BRAF: variants seen among roughly 807,000 people sequenced by gnomAD.
BRAF encodes B-Raf proto-oncogene, serine/threonine kinase.
BRAF carries 16 observed loss-of-function variants against 104.6 expected under a neutral mutation model. That is an observed-to-expected ratio of 0.15 (90% CI 0.10 to 0.23). BRAF has a LOEUF of 0.23. Among genes scored for constraint, BRAF ranks in the 10% least tolerant of loss-of-function variants. BRAF has a pLI of 1.00. For synonymous variants in BRAF, 310 were observed against 341.6 expected, an observed-to-expected ratio of 0.91 and a Z score of 1.02; for missense variants, 541 against 937.3, an observed-to-expected ratio of 0.58 and a Z score of 5.52.
rs1183263610 is a variant in BRAF at position 140,777,108 on chromosome 7, A to G, written c.1638-20T>C. On this transcript the variant is annotated intron_variant, in intron 13 of 19. Coordinates refer to ENST00000644969, the MANE Select transcript of BRAF (RefSeq NM_001374258.1). The stretch of plus-strand genomic sequence containing the variant: ...GTTTTCCTGTACAAAGAAATGTGAC[A>G]GTAAACATTAAATGTCGACAAACTT... The G allele has an allele frequency of 1.2e-6, 2 of 1,611,488 alleles. No homozygotes were observed. Among genetic ancestry groups the G allele is most frequent in the Non-Finnish European group, 1.7e-6 (2 of 1,177,620 alleles).
At chr7:140,786,704 C>T (rs957106127) in intron 9 of BRAF, among the ~76,000 whole-genome samples, 2 of 152,108 alleles carry the variant, frequency 1.3e-5, no homozygotes, top group Non-Finnish European at 2.9e-5. Context: ...ACATTTAAAA[C>T]ACTTCCAGAA....
At chr7:140,824,976 T>C (rs2129056435) in intron 3 of BRAF, among the ~76,000 whole-genome samples, 1 of 135,972 alleles carries the variant, frequency 7.4e-6, no homozygotes, top group Non-Finnish European at 1.6e-5. Context: ...GTTTTTTCTT[T>C]TTTTTTTTTT....
At chr7:140,908,083 G>T (rs1214630226) in intron 1 of BRAF, among the ~76,000 whole-genome samples, 1 of 152,122 alleles carries the variant, frequency 6.6e-6, no homozygotes, top group African/African-American at 2.4e-5. Flanking sequence ...CTTCAAGTTT[G>T]TCTCCAATTC....
At chr7:140,751,419 G>T (rs913796046) in intron 16 of BRAF, among the ~76,000 whole-genome samples, 1 of 152,156 alleles carries the variant, frequency 6.6e-6, no homozygotes, top group African/African-American at 2.4e-5. Context: ...TTTTCACAAG[G>T]TGTGTATGCC....
chr7:140,900,167 A>G (rs543598113), intron 1 of BRAF, among the ~76,000 whole-genome samples: 1 of 152,354 alleles, frequency 6.6e-6, no homozygotes, highest in Non-Finnish European at 1.5e-5. Context: ...ACAACAATAG[A>G]TAACTAATAG....
At chr7:140,815,431 C>CT (rs1562973708) in intron 3 of BRAF, among the ~76,000 whole-genome samples, 11 of 131,416 alleles carry the variant, frequency 8.4e-5, no homozygotes, top group African/African-American at 3.7e-4. Flanking sequence ...AGGTGTGAGC[C>CT]ATTTTTTTTT....
intron 2 of BRAF, among the ~76,000 whole-genome samples, chr7:140,843,480 T>C (rs1218465935): frequency 6.6e-6 from 1 of 152,232 alleles, no homozygotes. Flanking sequence ...CAGAAACTTA[T>C]TCTTGAAGGG....
chr7:140,856,596 A>T (rs919935921), intron 1 of BRAF, among the ~76,000 whole-genome samples: 1 of 152,220 alleles, frequency 6.6e-6, no homozygotes, highest in African/African-American at 2.4e-5. Context: ...AACCTCAGGT[A>T]ACGTAAAACA....
Position 140,909,254 on chromosome 7 carries a change from C to T in BRAF, c.138+15312G>A, listed in dbSNP as rs182853544. Among the ~76,000 whole-genome samples, 150 of 151,956 alleles carry T rather than the reference C, an allele frequency of 9.9e-4. 2 individuals carry two copies. In the East Asian group the frequency reaches 0.022, roughly 22 times the overall value. The stretch of plus-strand genomic sequence containing the variant: ...AAGCCTGACCAACATGGAAAACCCC[C>T]GTCTCTAATAAAAATACAAAATTAG... On this transcript the variant is annotated intron_variant, in intron 1 of 19. Transcript: ENST00000644969.
intron 18 of BRAF, 52 bp downstream of exon 17, chr7:140,739,760 C>G (rs2130898197): frequency 3.7e-6 from 6 of 1,606,746 alleles, no homozygotes; most frequent in Non-Finnish European, 4.2e-6. Flanking sequence ...GCTCAGAAAT[C>G]TGTCTATGAA....
chr7:140,761,728 G>A lies in BRAF; in HGVS notation c.1815-7495C>T, dbSNP rs1318117035. Among the ~76,000 whole-genome samples, 3 of 152,146 alleles carry A rather than the reference G, an allele frequency of 2.0e-5. No homozygotes were observed. The East Asian group carries it at 5.8e-4, about 29-fold the overall frequency. ...GCAAGTGGAAAACAAAAAAAGGCAG[G>A]GGTTGCAATCCTAGTCTCTGATAAA... On this transcript the variant is annotated intron_variant, in intron 14 of 19. Transcript: ENST00000644969.
At chr7:140,799,587 T>C (rs1802870158) in intron 7 of BRAF, 1 of 231,974 alleles carries the variant, frequency 4.3e-6, no homozygotes, top group Admixed American at 5.6e-5. Context: ...TGTTTCTCCA[T>C]TCCCCTTTCA....
chr7:140,796,800 G>A (rs560557899), intron 7 of BRAF, among the ~76,000 whole-genome samples: 1 of 152,232 alleles, frequency 6.6e-6, no homozygotes, highest in African/African-American at 2.4e-5. Flanking sequence ...TATGCTTAAC[G>A]AAAACAGTCT....
rs1369372082 is a variant in BRAF, at chr7:140,723,325, G to T, written c.*3169C>A. The T allele has an allele frequency of 4.7e-6, 5 of 1,055,680 alleles. No homozygotes were observed. Among genetic ancestry groups the T allele is most frequent in the Non-Finnish European group, 5.7e-6 (5 of 873,246 alleles). 65.4% of individuals were successfully genotyped at this position (1,055,680 alleles called of 1,614,324 possible). On this transcript the variant is annotated 3_prime_UTR_variant, in exon 20 of 20. Transcript: ENST00000644969. ...TTCAGGTTGACAGTGCTGCAGTCTT[G>T]AATTATTTCTTTATATACTGCTCTT... is the stretch of plus-strand genomic sequence containing the variant.
At chr7:140,739,979 C>T (rs1384010450) in intron 17 of BRAF, 33 bp from the exon 17 acceptor site, 2 of 1,604,310 alleles carry the variant, frequency 1.2e-6, no homozygotes, top group Non-Finnish European at 1.7e-6. Context: ...AATAATTCAA[C>T]CTTGTAGATA....
chr7:140,804,937 A>G (rs1301394961), intron 5 of BRAF, among the ~76,000 whole-genome samples: 1 of 151,974 alleles, frequency 6.6e-6, no homozygotes, highest in East Asian at 1.9e-4. Flanking sequence ...TGAATAGCCA[A>G]GGCTATTGGT....
intron 5 of BRAF, among the ~76,000 whole-genome samples, chr7:140,802,588 G>A (rs933768178): frequency 2.0e-5 from 3 of 151,922 alleles, no homozygotes; most frequent in Admixed American, 6.6e-5. Context: ...ATGAGCCACC[G>A]TGTGCAGCTT....
intron 5 of BRAF, among the ~76,000 whole-genome samples, chr7:140,807,021 G>A (rs1803724004): frequency 6.6e-6 from 1 of 152,156 alleles, no homozygotes; most frequent in African/African-American, 2.4e-5. Flanking sequence ...AGTAAGAAAT[G>A]TATTCCTGAT....
chr7:140,717,272 G>T (rs1795149965), downstream of BRAF, among the ~76,000 whole-genome samples: 1 of 152,132 alleles, frequency 6.6e-6, no homozygotes, highest in South Asian at 2.1e-4. Context: ...GATAGGAGAG[G>T]AGTTGGACCA....
Sources: allele counts gnomAD v4.1 joint callset (sites outside exome capture counted in the v4.1 genomes callset), GRCh38; gene constraint gnomAD v4.1.1; transcripts MANE v1.5; gene names NCBI Gene and HGNC (gene_info 2026-07-23, HGNC 2026-07-21).